ATF7: variants seen among roughly 807,000 people sequenced by gnomAD.
The protein encoded by ATF7 is cyclic AMP-dependent transcription factor ATF-7.
Under a neutral mutation model 50.4 loss-of-function variants are expected in ATF7, and 10 were observed. The observed-to-expected ratio is 0.20, with a 90% confidence interval of 0.12 to 0.34. The LOEUF (loss-of-function observed/expected upper bound fraction) is 0.34, where lower values mean the gene tolerates loss of function less well. ATF7 is among the 10% of genes least tolerant of loss of function. The pLI is 1.00. For missense variants in ATF7, 465 were observed against 613.9 expected (o/e 0.76, Z 2.56); for synonymous variants, 201 against 226.4 (o/e 0.89, Z 1.01).
At chr12:53,543,015 T>C in intron 4 of ATF7, 6 of 1,230,404 alleles carry the variant, frequency 4.9e-6, no homozygotes, top group African/African-American at 1.6e-5. Flanking sequence ...CTGAGTAATT[T>C]ATCACCTTTT....
At chr12:53,574,823 A>G in intron 2 of ATF7, 1 of 276,040 alleles carries the variant, frequency 3.6e-6, no homozygotes, top group South Asian at 4.2e-5. Flanking sequence ...CCCAAATGGG[A>G]AATCCTAAAG....
intron 7 of ATF7, 38 bp downstream of exon 7, chr12:53,533,122 A>G: frequency 6.6e-7 from 1 of 1,524,132 alleles, no homozygotes; most frequent in Non-Finnish European, 9.1e-7. Flanking sequence ...AAGGATTACC[A>G]TGTTGGTAGG....
chr12:53,610,555 ACT>A (rs1943820759), intron 1 of ATF7, among the ~76,000 whole-genome samples: 1 of 141,518 alleles, frequency 7.1e-6, no homozygotes, highest in Admixed American at 7.4e-5. Context: ...ATAGAGTGAG[ACT>A]CTGTCTCAAA....
At chr12:53,568,386 G>C (rs1213541998) in intron 2 of ATF7, among the ~76,000 whole-genome samples, 1 of 151,808 alleles carries the variant, frequency 6.6e-6, no homozygotes, top group Non-Finnish European at 1.5e-5. Flanking sequence ...TTTACAAGGA[G>C]ATTACGCACA....
Position 53,524,490 on chromosome 12 carries a change from G to T in ATF7, c.1125+74C>A. On this transcript the variant is annotated intron_variant, in intron 10 of 11. Coordinates refer to ENST00000420353, the MANE Select transcript of ATF7 (RefSeq NM_006856.3). The surrounding 1 kb of genome is among the most constrained non-coding windows in gnomAD (Gnocchi z 4.6). ...GAGAATTACCATCTTCTATCAAATT[G>T]TACCACTTTTTTCTGATTCCATCCC... is the stretch of plus-strand genomic sequence containing the variant. 6.6e-7 allele frequency: 1 copy of T among 1,518,236 alleles called. No homozygotes were observed. The highest frequency in any genetic ancestry group is 9.0e-7 in the Non-Finnish European group (1 of 1,105,298). 94.0% of individuals were successfully genotyped at this position (1,518,236 alleles called of 1,614,324 possible). A position where few individuals can be genotyped will look rare whatever the true frequency, so the allele number is the denominator to read the frequency against.
At chr12:53,570,937 T>G (rs968309995) in intron 2 of ATF7, among the ~76,000 whole-genome samples, 1 of 152,150 alleles carries the variant, frequency 6.6e-6, no homozygotes, top group Non-Finnish European at 1.5e-5. Context: ...CCATAAAAAT[T>G]CAATTCAATC....
chr12:53,559,951 T>C (rs903968816), intron 2 of ATF7, among the ~76,000 whole-genome samples: 2 of 152,096 alleles, frequency 1.3e-5, no homozygotes, highest in African/African-American at 4.8e-5. Flanking sequence ...AGATGGAGTT[T>C]CGCTCTTGTT....
rs377160859 is a variant in ATF7 at position 53,623,781 on chromosome 12, C to G, written c.-22+2498G>C. ...GAACTTCAGAGCAGCTGTGTTCAGACAGAGCCAGTGACTTTACTCCAGGCA... is the reference window on the plus strand; with the variant it reads ...GAACTTCAGAGCAGCTGTGTTCAGAGAGAGCCAGTGACTTTACTCCAGGCA... On this transcript the variant is annotated intron_variant, in intron 1 of 11. Coordinates refer to ENST00000420353, the MANE Select transcript of ATF7 (RefSeq NM_006856.3). Among the ~76,000 whole-genome samples, 201 of 152,300 alleles carry G rather than the reference C, an allele frequency of 1.3e-3. 4 individuals are homozygous for G. The South Asian group carries it at 0.041, about 31-fold the overall frequency.
chr12:53,596,866 T>C (rs2046434), intron 2 of ATF7, among the ~76,000 whole-genome samples: 27,356 of 152,094 alleles, frequency 0.18, 3,000 homozygotes, highest in East Asian at 0.55. Context: ...TGTCTTTAAA[T>C]AGATGCTATC....
intron 1 of ATF7, among the ~76,000 whole-genome samples, chr12:53,620,615 G>A (rs1185523734): frequency 7.3e-5 from 11 of 150,856 alleles, no homozygotes; most frequent in Non-Finnish European, 1.6e-4. Flanking sequence ...AATTAGCCAG[G>A]TGTGGTGGCA....
chr12:53,611,501 T>C (rs1487374065), intron 1 of ATF7, among the ~76,000 whole-genome samples: 1 of 152,198 alleles, frequency 6.6e-6, no homozygotes. Flanking sequence ...ATAGTATATA[T>C]GATGAGTTAG....
chr12:53,562,867 C>T (rs748167285), intron 2 of ATF7, among the ~76,000 whole-genome samples: 10 of 151,872 alleles, frequency 6.6e-5, no homozygotes, highest in Non-Finnish European at 1.5e-4. Context: ...AAAATGGCAG[C>T]AATGGGGATT....
At chr12:53,621,267 T>C (rs751949308) in intron 1 of ATF7, among the ~76,000 whole-genome samples, 2 of 152,222 alleles carry the variant, frequency 1.3e-5, no homozygotes, top group African/African-American at 2.4e-5. Flanking sequence ...AACAGGTTAA[T>C]GTTAACATAA....
Position 53,599,950 on chromosome 12 carries a change from G to GA in ATF7, c.48+1002dup, listed in dbSNP as rs564350135. On this transcript the variant is annotated intron_variant, in intron 2 of 11. Coordinates refer to ENST00000420353, the MANE Select transcript of ATF7 (RefSeq NM_006856.3). ...AAGAAGAGTTAAGAAGATGCAAAATGAAAAAAAAAGGCGATTTCAACAAAA... is the reference window on the plus strand; with the variant it reads ...AAGAAGAGTTAAGAAGATGCAAAATGAAAAAAAAAAGGCGATTTCAACAAAA... 2.4e-3 allele frequency among the ~76,000 whole-genome samples: 353 copies of GA among 148,330 alleles called. 2 individuals carry two copies. The highest frequency in any genetic ancestry group is 7.5e-3 in the African/African-American group (303 of 40,410).
At chr12:53,593,688 T>C (rs1246080052) in intron 2 of ATF7, among the ~76,000 whole-genome samples, 1 of 152,196 alleles carries the variant, frequency 6.6e-6, no homozygotes, top group Admixed American at 6.5e-5. Context: ...GACAGCAATA[T>C]CTAGTCCTAA....
At chr12:53,537,603 T>A in intron 4 of ATF7, 51 bp from the exon 5 acceptor site, 1 of 1,591,646 alleles carries the variant, frequency 6.3e-7, no homozygotes, top group Non-Finnish European at 8.6e-7. Context: ...TCCTTTCAGG[T>A]TGAATCTATA....
Position 53,615,777 on chromosome 12 carries a change from G to A in ATF7, c.-22+10502C>T, listed in dbSNP as rs117051632. Among the ~76,000 whole-genome samples, 32 of 152,146 alleles carry A rather than the reference G, an allele frequency of 2.1e-4. 1 individual carries two copies. The East Asian group carries it at 6.0e-3, about 29-fold the overall frequency. ...GTCTGTAGTCCCAGCTACTTGGGAGGCTGAGGCAGGAGGACTGGAGGATCA... is the reference window on the plus strand; with the variant it reads ...GTCTGTAGTCCCAGCTACTTGGGAGACTGAGGCAGGAGGACTGGAGGATCA... On this transcript the variant is annotated intron_variant, in intron 1 of 11. Coordinates refer to ENST00000420353, the MANE Select transcript of ATF7 (RefSeq NM_006856.3).
At chr12:53,570,413 G>A (rs1941683261) in intron 2 of ATF7, among the ~76,000 whole-genome samples, 1 of 152,212 alleles carries the variant, frequency 6.6e-6, no homozygotes. Context: ...CAGGGGCTAA[G>A]AGGTTGGAAC....
intron 5 of ATF7, 111 bp from the exon 6 acceptor site, chr12:53,534,770 C>T (rs924031493): frequency 8.2e-7 from 1 of 1,221,924 alleles, no homozygotes; most frequent in African/African-American, 1.6e-5. Flanking sequence ...TAGAGCCACT[C>T]ATTAAATCAT....
Sources: allele counts gnomAD v4.1 joint callset (sites outside exome capture counted in the v4.1 genomes callset), GRCh38; gene constraint gnomAD v4.1.1; non-coding constraint Gnocchi (gnomAD v3.1); transcripts MANE v1.5; gene names NCBI Gene and HGNC (gene_info 2026-07-23, HGNC 2026-07-21).